USP32: variants seen among roughly 807,000 people sequenced by gnomAD.
USP32 encodes ubiquitin specific peptidase 32.
USP32 carries 59 observed loss-of-function variants against 204.8 expected under a neutral mutation model. That is an observed-to-expected ratio of 0.29 (90% confidence interval 0.23 to 0.36). The LOEUF is 0.36. Among genes scored for constraint, USP32 ranks in the 10% least tolerant of loss-of-function variants. USP32 has a pLI of 1.00. For synonymous variants in USP32, 517 were observed against 678.4 expected, an observed-to-expected ratio of 0.76 and a Z score of 3.70; for missense variants, 1,160 against 1,946.4, an observed-to-expected ratio of 0.60 and a Z score of 7.60.
chr17:60,268,229 A>G (rs942645307), intron 7 of USP32, among the ~76,000 whole-genome samples: 11 of 152,142 alleles, frequency 7.2e-5, no homozygotes, highest in African/African-American at 2.7e-4. Flanking sequence ...TTCATCAGCA[A>G]AAAAAGAAAT....
intron 1 of USP32, among the ~76,000 whole-genome samples, chr17:60,383,098 T>G (rs1159073076): frequency 6.6e-6 from 1 of 151,870 alleles, no homozygotes; most frequent in Non-Finnish European, 1.5e-5. Context: ...ATACAAAAAT[T>G]AGCTGGGCGT....
At chr17:60,195,434 T>C (rs746546282) in intron 27 of USP32, among the ~76,000 whole-genome samples, 2 of 152,134 alleles carry the variant, frequency 1.3e-5, no homozygotes, top group African/African-American at 2.4e-5. Context: ...ACCTACAGGG[T>C]TGAAGCAATT....
At chr17:60,372,679 T>A (rs79801306) in intron 1 of USP32, among the ~76,000 whole-genome samples, 1 of 146,614 alleles carries the variant, frequency 6.8e-6, no homozygotes, top group Non-Finnish European at 1.5e-5. Context: ...GTTCTCTACA[T>A]TAAAAAAAAA....
chr17:60,180,437 A>C, intron 33 of USP32, 108 bp downstream of exon 33: 1 of 1,241,844 alleles, frequency 8.1e-7, no homozygotes, highest in East Asian at 2.4e-5. Context: ...TGATTCTAAC[A>C]GAAATATCTA....
chr17:60,268,982 A>G (rs1047322518), intron 7 of USP32, among the ~76,000 whole-genome samples: 1 of 152,236 alleles, frequency 6.6e-6, no homozygotes, highest in Non-Finnish European at 1.5e-5. Context: ...AAATTATGCT[A>G]CAACATTTTA....
chr17:60,249,862 T>G, intron 11 of USP32: 1 of 554,152 alleles, frequency 1.8e-6, no homozygotes, highest in South Asian at 2.0e-5. Context: ...TTTTTTTTTT[T>G]AACAACGTAC....
chr17:60,378,534 G>T (rs750404896), intron 1 of USP32, among the ~76,000 whole-genome samples: 1 of 151,950 alleles, frequency 6.6e-6, no homozygotes, highest in African/African-American at 2.4e-5. Context: ...GCCAAAAGGT[G>T]GAAACAACTC....
chr17:60,219,293 A>G (rs1279212924), intron 16 of USP32, among the ~76,000 whole-genome samples: 1 of 152,218 alleles, frequency 6.6e-6, no homozygotes, highest in Non-Finnish European at 1.5e-5. Flanking sequence ...TGACTGGTAT[A>G]CTACTACTTA....
At position 60,276,946 on chromosome 17, in the gene USP32, CAT is replaced by C. The variant is rs35211470; in HGVS notation, c.572-5467_572-5466del. On this transcript the variant is annotated intron_variant, in intron 5 of 33. Coordinates refer to ENST00000300896, the MANE Select transcript of USP32 (RefSeq NM_032582.4). ...AGCAAGCTAAAGTAGATTACATATA[CAT>C]ATATATATATATATATATAAAATTA... 8.8e-4 allele frequency among the ~76,000 whole-genome samples: 124 copies of C among 140,538 alleles called. 1 individual carries two copies. The highest frequency in any genetic ancestry group is 5.7e-3 in the South Asian group (26 of 4,590). 92.2% of individuals were successfully genotyped at this position (140,538 alleles called of 152,430 possible). A position where few individuals can be genotyped will look rare whatever the true frequency, so the allele number is the denominator to read the frequency against.
chr17:60,360,567 G>A (rs1040156726), intron 1 of USP32, among the ~76,000 whole-genome samples: 4 of 151,978 alleles, frequency 2.6e-5, no homozygotes, highest in South Asian at 2.1e-4. Context: ...GCTGAGGCAG[G>A]AGAATTGCTT....
At chr17:60,385,624 T>A (rs1352886541) in intron 1 of USP32, among the ~76,000 whole-genome samples, 1 of 152,090 alleles carries the variant, frequency 6.6e-6, no homozygotes, top group Non-Finnish European at 1.5e-5. Context: ...GGTGGATAAC[T>A]TGAGGTCAGG....
In USP32 at chr17:60,255,194, A is replaced by C; in HGVS notation, c.1055T>G (p.Phe352Cys). ...WSVKNVLANE[F>C]LNLLFQVCHI... Reference sequence around the variant, plus strand: ...ACATACCTGGAAAAGGAGGTTCAAAAACTCATTGGCAAGAACATTTTTCAC... The same window carrying C: ...ACATACCTGGAAAAGGAGGTTCAAACACTCATTGGCAAGAACATTTTTCAC... Residue 352 changes from phenylalanine (F) to cysteine (C), a missense_variant, in exon 10 of 34, where the codon TTT becomes TGT. Physicochemically the swap from Phe to Cys is radical, Grantham distance 205 (BLOSUM62 -2). Coordinates refer to ENST00000300896, the MANE Select transcript of USP32 (RefSeq NM_032582.4). The C allele has an allele frequency of 5.0e-6, 8 of 1,613,534 alleles. No individual in the cohort carries two copies. The highest frequency in any genetic ancestry group is 6.8e-6 in the Non-Finnish European group (8 of 1,179,780).
At position 60,266,973 on chromosome 17, in the gene USP32, G is replaced by C. The variant is rs368051044; in HGVS notation, c.812-882C>G. Among the ~76,000 whole-genome samples, 7 of 149,016 alleles carry C rather than the reference G, an allele frequency of 4.7e-5. No homozygotes were observed. The South Asian group carries it at 1.5e-3, about 32-fold the overall frequency. On this transcript the variant is annotated intron_variant, in intron 7 of 33. Transcript: ENST00000300896. ...CCGGCCAATTTTTGTATTTTTAGTAGAGACGGGATTTCACCATGTTGGCCA... is the reference window on the plus strand; with the variant it reads ...CCGGCCAATTTTTGTATTTTTAGTACAGACGGGATTTCACCATGTTGGCCA...
chr17:60,337,858 G>C (rs1005593473), intron 2 of USP32, among the ~76,000 whole-genome samples: 3 of 152,092 alleles, frequency 2.0e-5, no homozygotes, highest in African/African-American at 7.2e-5. Flanking sequence ...TCCAGCCTGG[G>C]AGACAGAAAT....
intron 1 of USP32, among the ~76,000 whole-genome samples, chr17:60,397,209 G>T (rs2089906393): frequency 6.6e-6 from 1 of 152,186 alleles, no homozygotes; most frequent in Admixed American, 6.5e-5. Context: ...TCAGTTTCTA[G>T]ATAATAATAA....
intron 1 of USP32, among the ~76,000 whole-genome samples, chr17:60,361,052 C>G (rs1386820835): frequency 6.6e-6 from 1 of 152,056 alleles, no homozygotes; most frequent in African/African-American, 2.4e-5. Context: ...TTGCTTGAAC[C>G]TGAGAGGCGG....
At chr17:60,201,567 G>C (rs1469971947) in intron 26 of USP32, among the ~76,000 whole-genome samples, 2 of 151,860 alleles carry the variant, frequency 1.3e-5, no homozygotes, top group Non-Finnish European at 2.9e-5. Context: ...TAGCAACCCT[G>C]TCAGTCTGTT....
At chr17:60,286,361 T>C (rs1032458011) in intron 5 of USP32, among the ~76,000 whole-genome samples, 2 of 152,118 alleles carry the variant, frequency 1.3e-5, no homozygotes, top group African/African-American at 4.8e-5. Context: ...GGATTTAGCC[T>C]GGGCCCTGAA....
At chr17:60,207,984 A>C in intron 24 of USP32, 75 bp downstream of exon 24, 1 of 1,484,336 alleles carries the variant, frequency 6.7e-7, no homozygotes, top group Non-Finnish European at 9.0e-7. Context: ...TAACCTAACA[A>C]TTGATCATAA....
Sources: gnomAD v4.1 joint callset for allele counts (sites outside exome capture counted in the v4.1 genomes callset) on GRCh38, gnomAD v4.1.1 for gene constraint, MANE v1.5 for transcripts, NCBI Gene and HGNC (gene_info 2026-07-23, HGNC 2026-07-21) for gene names.